ABCA7: variants seen among roughly 807,000 people sequenced by gnomAD.
ABCA7 encodes phospholipid-transporting ATPase ABCA7.
A neutral mutation model predicts 227.6 loss-of-function variants in ABCA7; 261 were observed. The ratio of observed to expected loss-of-function variants is 1.15; its 90% confidence interval spans 1.04 to 1.27. ABCA7 has a LOEUF of 1.27. Among genes scored for constraint, ABCA7 ranks in the 50% most tolerant of loss-of-function variants. The probability of loss-of-function intolerance (pLI) is 0.00; values close to 1 mark genes in which losing one functional copy is unlikely to be tolerated. For synonymous variants in ABCA7, 1,488 were observed against 1,279.7 expected (o/e 1.16, Z -3.47); for missense variants, 3,331 against 2,924.5 (o/e 1.14, Z -3.21).
intron 42 of ABCA7, among the ~76,000 whole-genome samples, chr19:1,063,226 TACTCATGCTGTCTCCACCCAC>T (rs1568424110): frequency 1.2e-5 from 1 of 80,994 alleles, no homozygotes; most frequent in Non-Finnish European, 2.4e-5. Context: ...CCCCGCCCCA[TACTCATGCTGTCTCCACCCAC>T]ACCATGGCCC....
chr19:1,057,992 G>C lies in ABCA7; in HGVS notation c.4958G>C (p.Cys1653Ser). 2 of 1,614,040 alleles carry C rather than the reference G, an allele frequency of 1.2e-6. No homozygotes were observed. Among genetic ancestry groups the C allele is most frequent in the Non-Finnish European group, 1.7e-6 (2 of 1,180,004 alleles). Residue 1653 changes from cysteine (C) to serine (S), a missense_variant, in exon 36 of 47, where the codon TGC becomes TCC. Cys to Ser is a moderately radical substitution (Grantham distance 112, BLOSUM62 -1). Coordinates refer to ENST00000263094, the MANE Select transcript of ABCA7 (RefSeq NM_019112.4). ...VPSTAYVVLT[C>S]INLFIGINGS... ...AGCACAGCCTATGTGGTGCTCACCT[G>C]CATAAACCTCTTTATTGGCATCAAT...
In ABCA7 at chr19:1,047,376, G is replaced by A. The variant is rs751250272; in HGVS notation, c.2065G>A (p.Ala689Thr). Residue 689 changes from alanine to threonine, a missense_variant and splice_region_variant, in exon 15 of 47, where the codon GCG becomes ACG. By Grantham distance (58) the Ala-to-Thr change is moderately conservative. Coordinates refer to ENST00000263094, the MANE Select transcript of ABCA7 (RefSeq NM_019112.4). Reference protein sequence around the residue: ...DRLPAGGRVAASLLSPVAFGF... With the variant: ...DRLPAGGRVATSLLSPVAFGF... ...GCTGCCCGCGGGTGGCCGCGTGGCC[G>A]CGGTGAGAGCCGGGTCGGGCGTGGA... The A allele has an allele frequency of 3.8e-6, 6 of 1,566,502 alleles. No individual in the cohort carries two copies. The highest frequency in any genetic ancestry group is 2.3e-5 in the East Asian group (1 of 43,584).
At chr19:1,057,537 A>G in intron 35 of ABCA7, 108 bp downstream of exon 35, 1 of 1,122,552 alleles carries the variant, frequency 8.9e-7, no homozygotes, top group Non-Finnish European at 1.3e-6. Context: ...GAGGATATGG[A>G]GGTCTGAGGT....
At chr19:1,061,030 C>T (rs1048335766) in intron 40 of ABCA7, among the ~76,000 whole-genome samples, 7 of 152,114 alleles carry the variant, frequency 4.6e-5, no homozygotes, top group East Asian at 3.8e-4. Flanking sequence ...CTTTATGCCT[C>T]GCTACATACC....
rs773215754 is a variant in ABCA7, at chr19:1,065,007, G to C, written c.6121G>C (p.Glu2041Gln). 2 of 1,556,676 alleles carry C rather than the reference G, an allele frequency of 1.3e-6. No individual in the cohort carries two copies. Among genetic ancestry groups the C allele is most frequent in the Non-Finnish European group, 1.7e-6 (2 of 1,152,088 alleles). Residue 2041 changes from glutamate to glutamine, a missense_variant, in exon 46 of 47, where the codon GAG becomes CAG. Glu to Gln is a conservative substitution (Grantham distance 29, BLOSUM62 2). Coordinates refer to ENST00000263094, the MANE Select transcript of ABCA7 (RefSeq NM_019112.4). The part of the protein sequence containing the change: ...SQPAAAFVAA[E>Q]FPGAELREAH... ...GCCGGCAGCGGCCTTCGTGGCGGCC[G>C]AGTTCCCTGGGGCGGAGCTGCGCGA...
At chr19:1,055,015 G>T in intron 29 of ABCA7, 82 bp from the exon 30 acceptor site, 1 of 1,532,746 alleles carries the variant, frequency 6.5e-7, no homozygotes. Context: ...TGTGGCTCCA[G>T]GAACCCCCAG....
In ABCA7 at chr19:1,053,505, G is replaced by T; in HGVS notation, c.3397G>T (p.Gly1133Trp). ...GGCGGAGCTGAGGCTCACTGGCTAC[G>T]GGATCTCCGACACCAGCCTCGAGGA... ...RLAELRLTGY[G>W]ISDTSLEEIF... Residue 1133 changes from glycine to tryptophan, a missense_variant, in exon 24 of 47, where the codon GGG (glycine) becomes TGG (tryptophan). Gly to Trp is a radical substitution (Grantham distance 184). Coordinates refer to ENST00000263094, the MANE Select transcript of ABCA7 (RefSeq NM_019112.4). 1 of 1,574,706 alleles carries T rather than the reference G, an allele frequency of 6.4e-7. No homozygotes were observed. The highest frequency in any genetic ancestry group is 8.6e-7 in the Non-Finnish European group (1 of 1,164,954).
Position 1,043,860 on chromosome 19 carries a change from G to A in ABCA7, c.1047+19G>A. On this transcript the variant is annotated intron_variant, in intron 10 of 46. Transcript: ENST00000263094. Reference sequence around the variant, plus strand: ...GCTGCAGGTGTGCGGGGGTGCTGGGGAGGTGGGATGTGGCTCCCCGGTGAG... The same window carrying A: ...GCTGCAGGTGTGCGGGGGTGCTGGGAAGGTGGGATGTGGCTCCCCGGTGAG... 6.2e-7 allele frequency: 1 copy of A among 1,610,346 alleles called. No individual in the cohort carries two copies. Among genetic ancestry groups the A allele is most frequent in the South Asian group, 1.1e-5 (1 of 91,022 alleles).
chr19:1,060,189 A>G (rs75876161), intron 40 of ABCA7, among the ~76,000 whole-genome samples: 2,193 of 142,282 alleles, frequency 0.015, 56 homozygotes, highest in African/African-American at 0.06. Flanking sequence ...GTTAGCACAC[A>G]TTGCAGTATA....
In ABCA7 at chr19:1,061,855, C is replaced by T; in HGVS notation, c.5537C>T (p.Ala1846Val). Residue 1846 changes from alanine to valine, a missense_variant, in exon 41 of 47, where the codon GCC becomes GTC. Transcript: ENST00000263094. ...CGCATGGTGACGGGGGACACATTGGCCAGCAGGGGCGAGGCTGTGCTGGCA... is the reference window on the plus strand; with the variant it reads ...CGCATGGTGACGGGGGACACATTGGTCAGCAGGGGCGAGGCTGTGCTGGCA... ...TFRMVTGDTL[A>V]SRGEAVLAGH... The T allele has an allele frequency of 6.2e-7, 1 of 1,602,308 alleles. No individual in the cohort carries two copies. The highest frequency in any genetic ancestry group is 1.1e-5 in the South Asian group (1 of 88,686).
At position 1,049,272 on chromosome 19, in the gene ABCA7, T is replaced by C. The variant is rs1448511171; in HGVS notation, c.2387T>C (p.Val796Ala). 3 of 1,604,078 alleles carry C rather than the reference T, an allele frequency of 1.9e-6. No individual in the cohort carries two copies. Among genetic ancestry groups the C allele is most frequent in the Non-Finnish European group, 1.7e-6 (2 of 1,174,270 alleles). Reference protein sequence around the residue: ...CPTPLDPKVLVEEAPPGLSPG... With the variant: ...CPTPLDPKVLAEEAPPGLSPG... Reference sequence around the variant, plus strand: ...GTCCACCCCATCTCTGCAGTGCTGGTAGAAGAGGCACCGCCCGGCCTGAGT... The same window carrying C: ...GTCCACCCCATCTCTGCAGTGCTGGCAGAAGAGGCACCGCCCGGCCTGAGT... The change falls in exon 18 of 47, where the codon GTA becomes GCA. Residue 796 changes from valine (V) to alanine (A), a missense_variant. By Grantham distance (64) the Val-to-Ala change is moderately conservative. Transcript: ENST00000263094.
intron 18 of ABCA7, among the ~76,000 whole-genome samples, chr19:1,050,491 G>A (rs1399283126): frequency 6.6e-6 from 1 of 151,736 alleles, no homozygotes; most frequent in Non-Finnish European, 1.5e-5. Flanking sequence ...GTGCTCTGTG[G>A]CCAGGCGTGG....
chr19:1,064,771 C>T, intron 45 of ABCA7, 160 bp from the exon 46 acceptor site: 1 of 1,207,232 alleles, frequency 8.3e-7, no homozygotes, highest in Non-Finnish European at 1.1e-6. Context: ...GTCTCAGCTA[C>T]GCGGGCGGGG....
intron 16 of ABCA7, among the ~76,000 whole-genome samples, chr19:1,048,603 A>G (rs2040993632): frequency 6.6e-6 from 1 of 150,450 alleles, no homozygotes; most frequent in Non-Finnish European, 1.5e-5. Context: ...AGGTCAGGAG[A>G]TGGAGACCAT....
intron 13 of ABCA7, 97 bp from the exon 14 acceptor site, chr19:1,046,705 T>A: frequency 1.5e-6 from 2 of 1,320,998 alleles, no homozygotes; most frequent in East Asian, 5.0e-5. Context: ...TCTTCCCGCC[T>A]TGAGATCCCG....
intron 42 of ABCA7, 141 bp from the exon 43 acceptor site, chr19:1,063,403 A>T: frequency 8.2e-7 from 1 of 1,218,488 alleles, no homozygotes; most frequent in South Asian, 1.5e-5. Context: ...CCCCCACCAC[A>T]CTATGTCCCA....
chr19:1,044,541 C>G lies in ABCA7; in HGVS notation c.1048-36C>G, dbSNP rs759720860. The G allele has an allele frequency of 1.0e-4, 165 of 1,593,998 alleles. 1 individual carries two copies. In the South Asian group the frequency reaches 1.5e-3, roughly 14 times the overall value. On this transcript the variant is annotated intron_variant, in intron 10 of 46. Transcript: ENST00000263094. ...GGATTACAGGCATGAGCCACTGTGC[C>G]CGACCCAGACTCTCACTTTCACCTG... is the stretch of plus-strand genomic sequence containing the variant.
intron 10 of ABCA7, among the ~76,000 whole-genome samples, chr19:1,044,103 A>AT (rs61549142): frequency 0.046 from 6,544 of 143,362 alleles, 491 homozygotes; most frequent in African/African-American, 0.16. Context: ...CGCCCGGATG[A>AT]TTTTTTTTTT....
chr19:1,044,238 C>CTTTT (rs4147941), intron 10 of ABCA7, among the ~76,000 whole-genome samples: 821 of 69,664 alleles, frequency 0.012, 78 homozygotes, highest in African/African-American at 0.053. Context: ...CCACGTCCTG[C>CTTTT]TTTTTTTTTT....
Sources: allele counts gnomAD v4.1 joint callset (sites outside exome capture counted in the v4.1 genomes callset), GRCh38; gene constraint gnomAD v4.1.1; transcripts MANE v1.5; gene names NCBI Gene and HGNC (gene_info 2026-07-23, HGNC 2026-07-21).